Variants in MAPKAP1 observed in about 807,000 individuals in gnomAD.
MAPKAP1 encodes the protein MAPK associated protein 1.
Under a neutral mutation model 65.7 loss-of-function variants are expected in MAPKAP1, and 20 were observed. The ratio of observed to expected loss-of-function variants is 0.30; its 90% CI spans 0.21 to 0.44. The LOEUF (loss-of-function observed/expected upper bound fraction) is 0.44, where lower values mean the gene tolerates loss of function less well. MAPKAP1 is among the 20% of genes least tolerant of loss of function. The pLI is 1.00. For missense variants in MAPKAP1, 423 were observed against 648.0 expected, an observed-to-expected ratio of 0.65 and a Z score of 3.77; for synonymous variants, 222 against 244.3, an observed-to-expected ratio of 0.91 and a Z score of 0.85.
At chr9:125,686,631 G>C (rs757761174) in intron 1 of MAPKAP1, among the ~76,000 whole-genome samples, 19 of 152,136 alleles carry the variant, frequency 1.2e-4, no homozygotes, top group Non-Finnish European at 2.1e-4. Flanking sequence ...GCTTCACATT[G>C]TTTTCCCTCG....
At chr9:125,477,913 A>T (rs779085212) in intron 9 of MAPKAP1, among the ~76,000 whole-genome samples, 1 of 152,224 alleles carries the variant, frequency 6.6e-6, no homozygotes. Flanking sequence ...GTAAAGCTAC[A>T]CTTGAAGGAC....
Position 125,460,135 on chromosome 9 carries a change from A to G in MAPKAP1, c.1345+7837T>C, listed in dbSNP as rs180834779. On this transcript the variant is annotated intron_variant, in intron 10 of 11. Transcript: ENST00000265960. ...CTTCTCAATTAGGATCTCTTCTGAT[A>G]TTAAAATCAAGAAAGAATGAATTTG... Among the ~76,000 whole-genome samples the G allele has an allele frequency of 8.5e-4, 129 of 152,268 alleles. 1 individual carries two copies. The highest frequency in any genetic ancestry group is 8.2e-3 in the Admixed American group (126 of 15,302).
At chr9:125,480,971 C>T (rs1189235452) in intron 9 of MAPKAP1, among the ~76,000 whole-genome samples, 39 of 68,542 alleles carry the variant, frequency 5.7e-4, no homozygotes, top group South Asian at 2.7e-3. Flanking sequence ...GACTCCGTTT[C>T]GGGGAAAAAA....
intron 5 of MAPKAP1, among the ~76,000 whole-genome samples, chr9:125,576,303 G>C (rs767633187): frequency 2.1e-4 from 32 of 152,158 alleles, no homozygotes; most frequent in Non-Finnish European, 3.7e-4. Context: ...AATAATATTG[G>C]TTCATCAACT....
Position 125,518,074 on chromosome 9 carries a change from A to G in MAPKAP1, c.959-11657T>C, listed in dbSNP as rs114695454. Among the ~76,000 whole-genome samples, 700 of 152,336 alleles carry G rather than the reference A, an allele frequency of 4.6e-3. 6 individuals carry two copies. Among genetic ancestry groups the G allele is most frequent in the African/African-American group, 0.016 (655 of 41,572 alleles). On this transcript the variant is annotated intron_variant, in intron 7 of 11. Coordinates refer to ENST00000265960, the MANE Select transcript of MAPKAP1 (RefSeq NM_001006617.3). ...ATGCCTTCCACAAGGTGGCCTTGAA[A>G]ATTGAACTCAACAATCTACTTCTTC... is the stretch of plus-strand genomic sequence containing the variant.
intron 9 of MAPKAP1, among the ~76,000 whole-genome samples, chr9:125,473,307 C>A (rs1853993379): frequency 6.6e-6 from 1 of 152,102 alleles, no homozygotes; most frequent in African/African-American, 2.4e-5. Context: ...CTCTTGGAAA[C>A]AAGGGAGGCA....
intron 7 of MAPKAP1, among the ~76,000 whole-genome samples, chr9:125,527,084 G>T (rs1412428658): frequency 2.0e-5 from 3 of 150,538 alleles, no homozygotes; most frequent in African/African-American, 7.3e-5. Context: ...TTTTTTTGGG[G>T]GATGTAGTCT....
intron 1 of MAPKAP1, among the ~76,000 whole-genome samples, chr9:125,706,583 C>T (rs898263570): frequency 6.6e-6 from 1 of 152,024 alleles, no homozygotes; most frequent in Admixed American, 6.6e-5. Context: ...CTGTTAACCT[C>T]TTTAAGGGGG....
At chr9:125,682,901 T>C (rs533603609) in intron 1 of MAPKAP1, among the ~76,000 whole-genome samples, 11 of 152,314 alleles carry the variant, frequency 7.2e-5, no homozygotes, top group Non-Finnish European at 1.0e-4. Context: ...ATAAAGACTT[T>C]TGGCCACTGC....
intron 4 of MAPKAP1, among the ~76,000 whole-genome samples, chr9:125,597,667 C>A (rs1449660695): frequency 6.6e-6 from 1 of 152,148 alleles, no homozygotes; most frequent in Non-Finnish European, 1.5e-5. Context: ...AAGCAGGCAA[C>A]ATTATTCCAT....
intron 1 of MAPKAP1, among the ~76,000 whole-genome samples, chr9:125,676,034 G>C (rs546926777): frequency 6.6e-6 from 1 of 152,120 alleles, no homozygotes; most frequent in East Asian, 1.9e-4. Flanking sequence ...CCAAGACAAG[G>C]ACATACATAT....
At chr9:125,529,264 G>A (rs139835579) in intron 7 of MAPKAP1, among the ~76,000 whole-genome samples, 5 of 151,898 alleles carry the variant, frequency 3.3e-5, no homozygotes, top group East Asian at 1.9e-4. Context: ...CCTATCAAAT[G>A]TGTTTTATTG....
chr9:125,632,763 G>A (rs1219739420), intron 4 of MAPKAP1, among the ~76,000 whole-genome samples: 2 of 152,130 alleles, frequency 1.3e-5, no homozygotes, highest in South Asian at 2.1e-4. Flanking sequence ...AGCTTGCCAC[G>A]AAAGATAGCT....
chr9:125,454,691 T>C lies in MAPKAP1; in HGVS notation c.1346-10093A>G, dbSNP rs189434078. ...CTTTAATAGTTTTTGTTTAGTTTTA[T>C]TTTTGGTCAACTCTTGTTAGCTTTC... On this transcript the variant is annotated intron_variant, in intron 10 of 11. Transcript: ENST00000265960. 2.4e-4 allele frequency among the ~76,000 whole-genome samples: 37 copies of C among 152,356 alleles called. No individual in the cohort carries two copies. In the Middle Eastern group the frequency reaches 0.01, roughly 42 times the overall value.
chr9:125,611,300 T>C (rs2131630312), intron 4 of MAPKAP1, among the ~76,000 whole-genome samples: 1 of 152,248 alleles, frequency 6.6e-6, no homozygotes, highest in South Asian at 2.1e-4. Context: ...ACAACTAAAA[T>C]TGGAAATGCA....
intron 4 of MAPKAP1, among the ~76,000 whole-genome samples, chr9:125,656,033 G>A (rs1834023629): frequency 6.6e-6 from 1 of 152,148 alleles, no homozygotes; most frequent in Non-Finnish European, 1.5e-5. Context: ...AAAGTCTATG[G>A]TATAAAGAGA....
chr9:125,700,212 C>T (rs977087954), intron 1 of MAPKAP1, among the ~76,000 whole-genome samples: 4 of 152,172 alleles, frequency 2.6e-5, no homozygotes, highest in Non-Finnish European at 4.4e-5. Flanking sequence ...AGATTAAATA[C>T]TCGCTTTATT....
intron 11 of MAPKAP1, among the ~76,000 whole-genome samples, chr9:125,443,698 T>TC (rs1852587508): frequency 2.3e-5 from 3 of 128,806 alleles, no homozygotes; most frequent in Middle Eastern, 3.7e-3. Flanking sequence ...CCCCGCCAGC[T>TC]CCCCCAGCCC....
In MAPKAP1 at chr9:125,559,647, T is replaced by A. The variant is rs749378329; in HGVS notation, c.834A>T (p.Ser278=). The change falls in exon 6 of 12, where the codon TCA becomes TCT. Residue 278 remains serine (S), a synonymous_variant. Coordinates refer to ENST00000265960, the MANE Select transcript of MAPKAP1 (RefSeq NM_001006617.3). ...TCAGTACTCACATTCGAACAAAGAG[T>A]GACTCTTTGGATGTCAGACCAGGAG... is the stretch of plus-strand genomic sequence containing the variant. ...YSSPGLTSKE[S]LFVRINAAHG... is the part of the protein sequence containing the mutation. 2 of 1,611,570 alleles carry A rather than the reference T, an allele frequency of 1.2e-6. No homozygotes were observed. The highest frequency in any genetic ancestry group is 2.2e-5 in the South Asian group (2 of 90,704).
Sources: gnomAD v4.1 joint callset for allele counts (sites outside exome capture counted in the v4.1 genomes callset) on GRCh38, gnomAD v4.1.1 for gene constraint, MANE v1.5 for transcripts, NCBI Gene and HGNC (gene_info 2026-07-23, HGNC 2026-07-21) for gene names.